Variants in ZMPSTE24 observed in about 807,000 individuals in gnomAD.
ZMPSTE24 encodes the protein zinc metallopeptidase STE24, also known as CAAX prenyl protease 1 homolog.
In ZMPSTE24, 48 loss-of-function variants were observed where a neutral mutation model predicts 56.7. The ratio of observed to expected loss-of-function variants is 0.85; its 90% CI spans 0.67 to 1.08. The LOEUF is 1.08. ZMPSTE24 is among the 50% of genes least tolerant of loss of function. The pLI, the probability that ZMPSTE24 is intolerant of heterozygous loss-of-function variation, is 0.00. For missense variants in ZMPSTE24, 503 were observed against 548.7 expected, an observed-to-expected ratio of 0.92 and a Z score of 0.83; for synonymous variants, 172 against 195.2, an observed-to-expected ratio of 0.88 and a Z score of 0.99.
chr1:40,262,988 A>G, intron 2 of ZMPSTE24: 4 of 997,250 alleles, frequency 4.0e-6, no homozygotes, highest in Non-Finnish European at 4.8e-6. Context: ...GATGAGGTAG[A>G]CACTATTCTC....
chr1:40,265,137 A>T (rs1187422314), intron 2 of ZMPSTE24, among the ~76,000 whole-genome samples: 1 of 152,164 alleles, frequency 6.6e-6, no homozygotes, highest in Admixed American at 6.6e-5. Flanking sequence ...TTCAGAATTC[A>T]TATTAAAACT....
At chr1:40,288,170 C>T (rs1175897558) in intron 8 of ZMPSTE24, among the ~76,000 whole-genome samples, 1 of 151,894 alleles carries the variant, frequency 6.6e-6, no homozygotes, top group Non-Finnish European at 1.5e-5. Flanking sequence ...CAGACCCTGT[C>T]TCTAAAAAAA....
chr1:40,273,115 G>A (rs1569635081), intron 6 of ZMPSTE24, among the ~76,000 whole-genome samples: 1 of 152,206 alleles, frequency 6.6e-6, no homozygotes, highest in Admixed American at 6.5e-5. Flanking sequence ...GTGAGAAGCA[G>A]CAGTGTTAGA....
intron 1 of ZMPSTE24, among the ~76,000 whole-genome samples, chr1:40,260,516 T>C (rs1377234390): frequency 1.3e-5 from 2 of 152,232 alleles, no homozygotes; most frequent in Non-Finnish European, 2.9e-5. Flanking sequence ...TTTTCCGTAT[T>C]ATAGGAGGTA....
chr1:40,284,707 G>A (rs924253113), intron 7 of ZMPSTE24, among the ~76,000 whole-genome samples: 27 of 152,260 alleles, frequency 1.8e-4, no homozygotes, highest in East Asian at 3.9e-4. Context: ...AGCCGAGATC[G>A]TGCCGTTGCA....
intron 2 of ZMPSTE24, among the ~76,000 whole-genome samples, chr1:40,261,855 G>A (rs373681949): frequency 1.3e-5 from 2 of 152,060 alleles, no homozygotes; most frequent in East Asian, 1.9e-4. Flanking sequence ...GACTACAGGC[G>A]CGTGCCACCA....
chr1:40,276,416 G>A (rs1341445486), intron 6 of ZMPSTE24, among the ~76,000 whole-genome samples: 1 of 152,138 alleles, frequency 6.6e-6, no homozygotes, highest in East Asian at 1.9e-4. Flanking sequence ...CTTGAGGTAG[G>A]AAGAAAACCA....
At chr1:40,267,446 C>T (rs1441717488) in intron 2 of ZMPSTE24, among the ~76,000 whole-genome samples, 2 of 150,876 alleles carry the variant, frequency 1.3e-5, no homozygotes, top group African/African-American at 4.9e-5. Flanking sequence ...CTCACTGGAG[C>T]CTTGACTTCC....
At chr1:40,290,514 G>C (rs1643830504) in intron 8 of ZMPSTE24, 1 of 179,184 alleles carries the variant, frequency 5.6e-6, no homozygotes, top group African/African-American at 3.2e-5. Flanking sequence ...AGGCTGGAGT[G>C]CAGTGGCGCC....
At chr1:40,269,412 T>C (rs1643590712) in intron 4 of ZMPSTE24, among the ~76,000 whole-genome samples, 1 of 151,884 alleles carries the variant, frequency 6.6e-6, no homozygotes, top group Non-Finnish European at 1.5e-5. Flanking sequence ...AAAAAAGAAA[T>C]TTATGTTATA....
In ZMPSTE24 at chr1:40,293,423, A is replaced by G. The variant is rs369547499; in HGVS notation, c.*754A>G. On this transcript the variant is annotated 3_prime_UTR_variant, in exon 10 of 10. Transcript: ENST00000372759. Reference sequence around the variant, plus strand: ...GTAGATATGATCCCATTGGAGGTAAATTGTAGCTTCTTCTCATTCATGCAG... The same window carrying G: ...GTAGATATGATCCCATTGGAGGTAAGTTGTAGCTTCTTCTCATTCATGCAG... 7.9e-5 allele frequency: 12 copies of G among 152,198 alleles called. 1 individual carries two copies. The highest frequency in any genetic ancestry group is 3.9e-4 in the East Asian group (2 of 5,172). 9.4% of individuals were successfully genotyped at this position (152,198 alleles called of 1,614,324 possible).
At position 40,281,327 on chromosome 1, in the gene ZMPSTE24, A is replaced by G. The variant is rs996642952; in HGVS notation, c.770-16A>G. Reference sequence around the variant, plus strand: ...TTTTTAATTATATTCCATGCTTTGAACTGTCTTTTCCTTAGGATCTAAACG... The same window carrying G: ...TTTTTAATTATATTCCATGCTTTGAGCTGTCTTTTCCTTAGGATCTAAACG... On this transcript the variant is annotated splice_polypyrimidine_tract_variant and intron_variant, in intron 6 of 9. Transcript: ENST00000372759. The G allele has an allele frequency of 1.2e-6, 2 of 1,613,508 alleles. No homozygotes were observed. Among genetic ancestry groups the G allele is most frequent in the Admixed American group, 1.7e-5 (1 of 59,976 alleles).
chr1:40,291,878 T>C (rs1399687071), intron 9 of ZMPSTE24, among the ~76,000 whole-genome samples: 1 of 150,884 alleles, frequency 6.6e-6, no homozygotes, highest in Non-Finnish European at 1.5e-5. Context: ...TCTCGCTCTG[T>C]CTCCCAGGCT....
chr1:40,274,090 CAT>C (rs1643645874), intron 6 of ZMPSTE24, among the ~76,000 whole-genome samples: 2 of 152,038 alleles, frequency 1.3e-5, no homozygotes, highest in South Asian at 4.1e-4. Flanking sequence ...GGGTTTGAAT[CAT>C]AGCTCTACCA....
chr1:40,275,623 A>G (rs1236545545), intron 6 of ZMPSTE24, among the ~76,000 whole-genome samples: 2 of 151,198 alleles, frequency 1.3e-5, no homozygotes, highest in African/African-American at 4.9e-5. Context: ...ATGGTGGTGC[A>G]CACCTGTAGT....
chr1:40,270,779 A>G (rs930839462), intron 5 of ZMPSTE24, among the ~76,000 whole-genome samples: 11 of 151,154 alleles, frequency 7.3e-5, no homozygotes, highest in African/African-American at 2.7e-4. Context: ...TTCTCTTTCC[A>G]TACTCTCAAG....
At position 40,273,535 on chromosome 1, in the gene ZMPSTE24, AAAATATATATATATAT is replaced by A. The variant is rs1221382519; in HGVS notation, c.769+1502_769+1517del. ...TCTGTCTAAAAAAAAAAAAAAAAAA[AAAATATATATATATAT>A]ATATATATATATATATATGTCAGAC... On this transcript the variant is annotated intron_variant, in intron 6 of 9. Transcript: ENST00000372759. Among the ~76,000 whole-genome samples, 137 of 45,424 alleles carry A rather than the reference AAAATATATATATATAT, an allele frequency of 3.0e-3. 1 individual carries two copies. Among genetic ancestry groups the A allele is most frequent in the African/African-American group, 7.0e-3 (60 of 8,566 alleles). 29.8% of individuals were successfully genotyped at this position (45,424 alleles called of 152,430 possible).
intron 2 of ZMPSTE24, among the ~76,000 whole-genome samples, chr1:40,266,631 ACT>A (rs1389317519): frequency 6.6e-6 from 1 of 151,372 alleles, no homozygotes; most frequent in Non-Finnish European, 1.5e-5. Flanking sequence ...AGTGGACATG[ACT>A]CTCCACTTCT....
At chr1:40,259,811 G>T (rs1643477472) in intron 1 of ZMPSTE24, among the ~76,000 whole-genome samples, 1 of 151,904 alleles carries the variant, frequency 6.6e-6, no homozygotes, top group South Asian at 2.1e-4. Flanking sequence ...GTTGCCCGGG[G>T]TGGTCTGGAG....
Sources: gnomAD v4.1 joint callset for allele counts (sites outside exome capture counted in the v4.1 genomes callset) on GRCh38, gnomAD v4.1.1 for gene constraint, MANE v1.5 for transcripts, NCBI Gene and HGNC (gene_info 2026-07-23, HGNC 2026-07-21) for gene names.